ANO2: variants seen among roughly 807,000 people sequenced by gnomAD.
ANO2 encodes anoctamin-2.
ANO2 carries 101 observed loss-of-function variants against 124.2 expected under a neutral mutation model. The observed-to-expected ratio is 0.81, with a 90% CI of 0.69 to 0.96. ANO2 has a LOEUF of 0.96. Among genes scored for constraint, ANO2 ranks in the 40% least tolerant of loss-of-function variants. The probability of loss-of-function intolerance (pLI) is 0.00; values close to 1 mark genes in which losing one functional copy is unlikely to be tolerated. For missense variants in ANO2, 1,293 were observed against 1,274.5 expected, an observed-to-expected ratio of 1.01 and a Z score of -0.22; for synonymous variants, 486 against 482.5, an observed-to-expected ratio of 1.01 and a Z score of -0.09.
chr12:5,656,762 A>C (rs4399394), intron 14 of ANO2, among the ~76,000 whole-genome samples: 89,660 of 151,698 alleles, frequency 0.59, 27,927 homozygotes, highest in East Asian at 0.96. Flanking sequence ...TTCTGAAAAC[A>C]ATCTTGGTAG....
intron 7 of ANO2, among the ~76,000 whole-genome samples, chr12:5,823,515 C>T (rs10849348): frequency 0.3 from 45,149 of 152,128 alleles, 7,146 homozygotes; most frequent in Middle Eastern, 0.38. Flanking sequence ...CTCTGGGTCA[C>T]GCTGATGCAA....
At chr12:5,762,838 T>A (rs1183745039) in intron 10 of ANO2, among the ~76,000 whole-genome samples, 1 of 151,812 alleles carries the variant, frequency 6.6e-6, no homozygotes, top group African/African-American at 2.4e-5. Context: ...TAGCGAAAAT[T>A]TTTTCTTCGC....
chr12:5,764,447 T>G (rs949789923), intron 10 of ANO2, among the ~76,000 whole-genome samples: 1 of 152,184 alleles, frequency 6.6e-6, no homozygotes, highest in African/African-American at 2.4e-5. Context: ...AGGAAACTGA[T>G]GTACAAAAAC....
At chr12:5,757,404 AT>A (rs1951612864) in intron 10 of ANO2, among the ~76,000 whole-genome samples, 1 of 152,234 alleles carries the variant, frequency 6.6e-6, no homozygotes, top group Non-Finnish European at 1.5e-5. Context: ...CTAAAATACA[AT>A]TTCCCCTTAG....
chr12:5,679,416 A>G (rs6489648), intron 14 of ANO2, among the ~76,000 whole-genome samples: 76,456 of 152,140 alleles, frequency 0.5, 21,191 homozygotes, highest in Middle Eastern at 0.62. Context: ...TCCAGAATCT[A>G]CAAGCAACTT....
intron 15 of ANO2, among the ~76,000 whole-genome samples, chr12:5,638,733 C>T (rs556832259): frequency 1.3e-5 from 2 of 152,126 alleles, no homozygotes; most frequent in Admixed American, 6.5e-5. Flanking sequence ...TAAAGATTCG[C>T]TGGTCAGCAG....
chr12:5,887,436 AC>A (rs1939005559), intron 3 of ANO2, among the ~76,000 whole-genome samples: 1 of 152,222 alleles, frequency 6.6e-6, no homozygotes, highest in African/African-American at 2.4e-5. Flanking sequence ...AACCACTTCC[AC>A]TGTGGGGGAT....
chr12:5,724,479 C>T lies in ANO2; in HGVS notation c.1545+8041G>A, dbSNP rs565256294. Among the ~76,000 whole-genome samples the T allele has an allele frequency of 8.5e-5, 13 of 152,276 alleles. No individual in the cohort carries two copies. In the East Asian group the frequency reaches 2.5e-3, roughly 29 times the overall value. The stretch of plus-strand genomic sequence containing the variant: ...CCTCATCCCCTGCTCAATGGGACTC[C>T]CTTCTCCACCCACGCGCATGCTCCA... On this transcript the variant is annotated intron_variant, in intron 14 of 24. Coordinates refer to ENST00000682330, the MANE Select transcript of ANO2 (RefSeq NM_001364791.2).
chr12:5,767,213 T>C (rs773082840), intron 10 of ANO2, among the ~76,000 whole-genome samples: 3 of 152,134 alleles, frequency 2.0e-5, no homozygotes, highest in African/African-American at 4.8e-5. Flanking sequence ...GGCAAACAAA[T>C]GTGGGTGTTC....
In ANO2 at chr12:5,734,737, T is replaced by C. The variant is rs367781289; in HGVS notation, c.1435-2107A>G. ...ATCTCGGCTCACCGAAACCTCTGCCTTCCAGGCTCAAGCAATTCTCCTGCC... is the reference window on the plus strand; with the variant it reads ...ATCTCGGCTCACCGAAACCTCTGCCCTCCAGGCTCAAGCAATTCTCCTGCC... On this transcript the variant is annotated intron_variant, in intron 13 of 24. Transcript: ENST00000682330. Among the ~76,000 whole-genome samples, 9 of 151,998 alleles carry C rather than the reference T, an allele frequency of 5.9e-5. 1 individual carries two copies. The East Asian group carries it at 1.7e-3, about 30-fold the overall frequency.
At chr12:5,772,537 TATG>T (rs1444196683) in intron 10 of ANO2, among the ~76,000 whole-genome samples, 4 of 152,372 alleles carry the variant, frequency 2.6e-5, no homozygotes, top group Admixed American at 1.3e-4. Flanking sequence ...TTCGCTGTAA[TATG>T]ATGATAAATT....
intron 14 of ANO2, among the ~76,000 whole-genome samples, chr12:5,716,357 T>TG (rs1257522822): frequency 2.0e-5 from 3 of 152,174 alleles, no homozygotes; most frequent in African/African-American, 7.2e-5. Context: ...GTGTGGCCCC[T>TG]GGCTCTTTCC....
intron 7 of ANO2, among the ~76,000 whole-genome samples, chr12:5,814,319 G>A (rs1457725645): frequency 6.6e-6 from 1 of 152,194 alleles, no homozygotes; most frequent in Non-Finnish European, 1.5e-5. Context: ...CCTAATTGGG[G>A]TGTGCTATTT....
intron 14 of ANO2, among the ~76,000 whole-genome samples, chr12:5,682,487 T>C (rs1948538558): frequency 6.6e-6 from 1 of 151,922 alleles, no homozygotes; most frequent in Non-Finnish European, 1.5e-5. Context: ...GGGTCTGAGA[T>C]AAAAAGAACT....
chr12:5,618,933 CCAGTTTCCCACA>C (rs1338229841), intron 16 of ANO2, among the ~76,000 whole-genome samples: 2 of 152,202 alleles, frequency 1.3e-5, no homozygotes, highest in African/African-American at 2.4e-5. Flanking sequence ...TTGCCATGTT[CCAGTTTCCCACA>C]CAGCACAGTG....
intron 10 of ANO2, among the ~76,000 whole-genome samples, chr12:5,780,349 C>T (rs1232455366): frequency 6.6e-6 from 1 of 152,036 alleles, no homozygotes; most frequent in African/African-American, 2.4e-5. Flanking sequence ...AAATTTTGCA[C>T]CAACCTAACA....
chr12:5,744,667 G>C (rs1951213521), intron 11 of ANO2, among the ~76,000 whole-genome samples: 1 of 152,168 alleles, frequency 6.6e-6, no homozygotes, highest in Non-Finnish European at 1.5e-5. Flanking sequence ...ATCCACAGTT[G>C]TGAATAAATC....
intron 3 of ANO2, among the ~76,000 whole-genome samples, chr12:5,861,243 A>T (rs775891896): frequency 3.9e-5 from 6 of 152,088 alleles, no homozygotes; most frequent in Non-Finnish European, 8.8e-5. Flanking sequence ...CCACCCTTCC[A>T]TCCTGAGGGC....
chr12:5,738,388 C>T (rs1565627405), intron 13 of ANO2, among the ~76,000 whole-genome samples: 1 of 152,222 alleles, frequency 6.6e-6, no homozygotes, highest in Non-Finnish European at 1.5e-5. Flanking sequence ...CACCTTACTG[C>T]TGTGGCCAGT....
Sources: gnomAD v4.1 joint callset for allele counts (sites outside exome capture counted in the v4.1 genomes callset) on GRCh38, gnomAD v4.1.1 for gene constraint, MANE v1.5 for transcripts, NCBI Gene and HGNC (gene_info 2026-07-23, HGNC 2026-07-21) for gene names.